GSDMB: variants seen among roughly 807,000 people sequenced by gnomAD.
The protein encoded by GSDMB is gasdermin-B.
A neutral mutation model predicts 42.9 loss-of-function variants in GSDMB; 32 were observed. That is an observed-to-expected ratio of 0.75 (90% CI 0.56 to 1.00). The LOEUF is 1.00. Among genes scored for constraint, GSDMB ranks in the 50% least tolerant of loss-of-function variants. GSDMB has a pLI of 0.00. For missense variants in GSDMB, 468 were observed against 498.5 expected, an observed-to-expected ratio of 0.94 and a Z score of 0.58; for synonymous variants, 175 against 193.7, an observed-to-expected ratio of 0.90 and a Z score of 0.80.
At chr17:39,918,341 TC>T (rs1481136954) in intron 1 of GSDMB, 192 bp downstream of exon 1, 1 of 152,158 alleles carries the variant, frequency 6.6e-6, no homozygotes, top group Non-Finnish European at 1.5e-5. Context: ...GGGATCCACT[TC>T]CCCATCCTAC....
At position 39,907,049 on chromosome 17, in the gene GSDMB, C is replaced by A. The variant is rs1035886885; in HGVS notation, c.701-62G>T. ...ATCACCTCCAGTCCCCTGCAGACTT[C>A]TCTTCCCAGTGATGGAAGTTTTTAC... On this transcript the variant is annotated intron_variant, in intron 6 of 10. Coordinates refer to ENST00000418519, the MANE Select transcript of GSDMB (RefSeq NM_001165958.2). The A allele has an allele frequency of 6.8e-6, 11 of 1,611,398 alleles. No individual in the cohort carries two copies. The African/African-American group carries it at 1.5e-4, about 22-fold the overall frequency.
chr17:39,912,362 C>G lies in GSDMB; in HGVS notation c.371G>C (p.Arg124Pro), dbSNP rs1272409907. Residue 124 changes from arginine to proline, a missense_variant, in exon 3 of 11, where the codon CGG becomes CCG. Physicochemically the swap from Arg to Pro is moderately radical, Grantham distance 103. Coordinates refer to ENST00000418519, the MANE Select transcript of GSDMB (RefSeq NM_001165958.2). ...HHQKIKISEN[R>P]ISQQYLATLE... ...GGTAGCCAGATACTGCTGGGATATC[C>G]GGTTCTCCGATATCTTGATTTTCTG... 1.2e-6 allele frequency: 2 copies of G among 1,613,950 alleles called. No homozygotes were observed. The highest frequency in any genetic ancestry group is 8.5e-7 in the Non-Finnish European group (1 of 1,179,822).
At chr17:39,916,998 A>T in intron 2 of GSDMB, 84 bp downstream of exon 2, 1 of 861,632 alleles carries the variant, frequency 1.2e-6, no homozygotes. Context: ...TGATTGGTTG[A>T]TAACAATGGG....
intron 3 of GSDMB, 76 bp from the exon 4 acceptor site, chr17:39,910,000 A>G: frequency 9.0e-7 from 1 of 1,105,518 alleles, no homozygotes; most frequent in Non-Finnish European, 1.3e-6. Flanking sequence ...CCTCTCTGTG[A>G]GCCAGCTCCT....
intron 4 of GSDMB, 164 bp downstream of exon 4, chr17:39,909,592 G>A: frequency 1.6e-6 from 1 of 621,442 alleles, no homozygotes; most frequent in Non-Finnish European, 2.9e-6. Flanking sequence ...AGTAACAAGG[G>A]AAGGACTGGG....
chr17:39,906,991 CAGAG>C lies in GSDMB; in HGVS notation c.701-8_701-5del, dbSNP rs770985340. 1 of 1,613,958 alleles carries C rather than the reference CAGAG, an allele frequency of 6.2e-7. No homozygotes were observed. On this transcript the variant is annotated splice_region_variant and splice_polypyrimidine_tract_variant and intron_variant, in intron 6 of 10. Coordinates refer to ENST00000418519, the MANE Select transcript of GSDMB (RefSeq NM_001165958.2). ...CAGGATGAAGCACCATCCTTCTCTGCAGAGAGAGGAAGAGTTATTTCAGAATCTT... is the reference window on the plus strand; with the variant it reads ...CAGGATGAAGCACCATCCTTCTCTGCAGAGGAAGAGTTATTTCAGAATCTT...
Position 39,909,018 on chromosome 17 carries a change from G to A in GSDMB, c.601C>T (p.Pro201Ser), listed in dbSNP as rs2063558269. 2.5e-6 allele frequency: 4 copies of A among 1,601,668 alleles called. No individual in the cohort carries two copies. The highest frequency in any genetic ancestry group is 1.3e-5 in the African/African-American group (1 of 74,200). The change falls in exon 5 of 11, where the codon CCA becomes TCA. Residue 201 changes from proline to serine, a missense_variant. Transcript: ENST00000418519. ...HKGQREVTIP[P>S]NRVLSYRVKQ... ...ACTCGATAGCTCAGGACCCGATTTGGGGGGATGGTCACTTCCCTTTGGCCC... is the reference window on the plus strand; with the variant it reads ...ACTCGATAGCTCAGGACCCGATTTGAGGGGATGGTCACTTCCCTTTGGCCC...
chr17:39,917,311 G>C lies in GSDMB; in HGVS notation c.6C>G (p.Phe2Leu), dbSNP rs138087355. M[F>L]SVFEEITRIV... ...TTCTTGTGATTTCCTCAAATACGCT[G>C]AACATTGCGCCTGGACCAACTCAGA... Residue 2 changes from phenylalanine to leucine, a missense_variant, in exon 2 of 11, where the codon TTC (phenylalanine) becomes TTG (leucine). Physicochemically the swap from Phe to Leu is conservative, Grantham distance 22. Coordinates refer to ENST00000418519, the MANE Select transcript of GSDMB (RefSeq NM_001165958.2). The C allele has an allele frequency of 1.2e-6, 2 of 1,604,038 alleles. No individual in the cohort carries two copies. Among genetic ancestry groups the C allele is most frequent in the Non-Finnish European group, 1.7e-6 (2 of 1,170,920 alleles).
chr17:39,906,302 A>G lies in GSDMB; in HGVS notation c.728-31T>C, dbSNP rs372003656. 486 of 1,609,688 alleles carry G rather than the reference A, an allele frequency of 3.0e-4. 1 individual carries two copies. In the South Asian group the frequency reaches 4.5e-3, roughly 15 times the overall value. On this transcript the variant is annotated intron_variant, in intron 7 of 10. Transcript: ENST00000418519. ...GAGGCAGCAATTGAGAACCTGGGCC[A>G]CCCAGCCCAAAAGGTTTTATTTCTA... is the stretch of plus-strand genomic sequence containing the variant.
chr17:39,912,439 CA>C lies in GSDMB; in HGVS notation c.293del (p.Val98GlyfsTer7). 1 of 1,611,580 alleles carries C rather than the reference CA, an allele frequency of 6.2e-7. No homozygotes were observed. The highest frequency in any genetic ancestry group is 1.3e-5 in the African/African-American group (1 of 74,994). On this transcript the variant is annotated frameshift_variant, in exon 3 of 11. Transcript: ENST00000418519. LOFTEE classifies it high-confidence loss of function. ...AAATTGTTATTTCTTTGGGTAATCT[CA>C]CTATCAACTCTCCCGTTGAGTCTAC... ...DNVDSTGELI[V>X]RLPKEITISG...
At chr17:39,905,056 T>C (rs2063479670) in intron 10 of GSDMB, 92 bp from the exon 11 acceptor site, 14 of 1,015,674 alleles carry the variant, frequency 1.4e-5, no homozygotes, top group East Asian at 4.8e-5. Context: ...GCTGAGCTGA[T>C]AGGCAGACGT....
At chr17:39,918,452 C>T (rs529134197) in intron 1 of GSDMB, 82 bp downstream of exon 1, 2 of 152,626 alleles carry the variant, frequency 1.3e-5, no homozygotes, top group African/African-American at 4.8e-5. Flanking sequence ...GGTTGACTCT[C>T]AGTTCACTAC....
intron 6 of GSDMB, 135 bp downstream of exon 6, chr17:39,908,041 T>TAATTTTCCATG (rs2063536358): frequency 1.5e-6 from 1 of 660,422 alleles, no homozygotes. Context: ...ATTTTTCCCC[T>TAATTTTCCATG]GCGCTTGCCA....
intron 6 of GSDMB, chr17:39,907,238 G>C (rs182439590): frequency 5.4e-5 from 71 of 1,318,694 alleles, no homozygotes; most frequent in East Asian, 1.3e-4. Flanking sequence ...GCCCAGAAAG[G>C]GGGCAGCATA....
intron 2 of GSDMB, among the ~76,000 whole-genome samples, chr17:39,914,588 C>T (rs1236078757): frequency 6.6e-6 from 1 of 151,856 alleles, no homozygotes; most frequent in Non-Finnish European, 1.5e-5. Flanking sequence ...ATGGTGAAAC[C>T]TTGTCTCTAC....
In GSDMB at chr17:39,905,882, G is replaced by A. The variant is rs772816211; in HGVS notation, c.992C>T (p.Ala331Val). The change falls in exon 9 of 11, where the codon GCA becomes GTA. Residue 331 changes from alanine to valine, a missense_variant. Physicochemically the swap from Ala to Val is moderately conservative, Grantham distance 64 (BLOSUM62 0). Transcript: ENST00000418519. ...ATCCAGGAAGTCCAGAATGGCTTTT[G>A]CACGCGCTTCTACCAAGACCCCAGC... Reference protein sequence around the residue: ...NAAGVLVEARAKAILDFLDAL... With the variant: ...NAAGVLVEARVKAILDFLDAL... 12 of 1,613,910 alleles carry A rather than the reference G, an allele frequency of 7.4e-6. No individual in the cohort carries two copies. Among genetic ancestry groups the A allele is most frequent in the Non-Finnish European group, 9.3e-6 (11 of 1,179,954 alleles).
At chr17:39,905,561 T>A in intron 9 of GSDMB, 65 bp from the exon 10 acceptor site, 1 of 1,282,592 alleles carries the variant, frequency 7.8e-7, no homozygotes, top group Non-Finnish European at 1.1e-6. Flanking sequence ...CAGTGGCTGA[T>A]CACACCCAGA....
chr17:39,914,445 G>C (rs1356050025), intron 2 of GSDMB, among the ~76,000 whole-genome samples: 1 of 152,156 alleles, frequency 6.6e-6, no homozygotes, highest in Non-Finnish European at 1.5e-5. Flanking sequence ...TTCTGGAATA[G>C]AAAAAGGACA....
At chr17:39,906,666 T>G in intron 7 of GSDMB, 1 of 1,245,506 alleles carries the variant, frequency 8.0e-7, no homozygotes. Context: ...TGAGGAGTTA[T>G]TACAAATCCT....
Sources: allele counts gnomAD v4.1 joint callset (sites outside exome capture counted in the v4.1 genomes callset), GRCh38; gene constraint gnomAD v4.1.1; transcripts MANE v1.5; gene names NCBI Gene and HGNC (gene_info 2026-07-23, HGNC 2026-07-21).